ABCB11: variants seen among roughly 807,000 people sequenced by gnomAD.
ABCB11 encodes ATP binding cassette subfamily B member 11.
Under a neutral mutation model 148.0 loss-of-function variants are expected in ABCB11, and 95 were observed. The observed-to-expected ratio is 0.64, with a 90% confidence interval of 0.54 to 0.76. ABCB11 has a LOEUF of 0.76. ABCB11 is among the 30% of genes least tolerant of loss of function. The pLI is 0.00. For synonymous variants in ABCB11, 591 were observed against 555.4 expected (o/e 1.06, Z -0.90); for missense variants, 1,523 against 1,617.8 (o/e 0.94, Z 1.01).
In ABCB11 at chr2:168,969,398, T is replaced by A. The variant is rs1693468020; in HGVS notation, c.1963A>T (p.Thr655Ser). Residue 655 changes from threonine to serine, a missense_variant, in exon 16 of 28, where the codon ACT becomes TCT. Transcript: ENST00000650372. ...GCTTGATTTCCCTGGCTTTGCAAAG[T>A]CACTAGAGTGAAGTAAACACCTTTC... ...ERKGVYFTLV[T>S]LQSQGNQALN... is the part of the protein sequence containing the mutation. The A allele has an allele frequency of 6.2e-7, 1 of 1,612,612 alleles. No individual in the cohort carries two copies. The highest frequency in any genetic ancestry group is 2.2e-5 in the East Asian group (1 of 44,720).
rs1296417587 is a variant in ABCB11, at chr2:168,936,295, T to C, written c.2749A>G (p.Thr917Ala). The C allele has an allele frequency of 1.9e-6, 3 of 1,613,990 alleles. No individual in the cohort carries two copies. Among genetic ancestry groups the C allele is most frequent in the Non-Finnish European group, 2.5e-6 (3 of 1,179,884 alleles). ...AATCCTGTCAACATCCTGGTCTGTG[T>C]GGCTCCTGATAAAGCCAAGAAGGGG... ...FFPFLALSGA[T>A]QTRMLTGFAS... Residue 917 changes from threonine (T) to alanine (A), a missense_variant, in exon 22 of 28, where the codon ACA (threonine) becomes GCA (alanine). Transcript: ENST00000650372.
At chr2:168,960,924 T>C (rs1040893884) in intron 18 of ABCB11, among the ~76,000 whole-genome samples, 18 of 151,622 alleles carry the variant, frequency 1.2e-4, no homozygotes, top group African/African-American at 4.4e-4. Context: ...TTTATATGTG[T>C]TTCCTTGTAC....
rs1279918927 is a variant in ABCB11, at chr2:168,968,444, G to T, written c.2058C>A (p.Ser686Arg). 1.2e-6 allele frequency: 2 copies of T among 1,610,868 alleles called. No individual in the cohort carries two copies. The highest frequency in any genetic ancestry group is 1.7e-6 in the Non-Finnish European group (2 of 1,178,396). The change falls in exon 17 of 28, where the codon AGC becomes AGA. Residue 686 changes from serine (S) to arginine (R), a missense_variant. Coordinates refer to ENST00000650372, the MANE Select transcript of ABCB11 (RefSeq NM_003742.4). ...DMLARTFSRGSYQDSLRASIR... is the reference protein window; with the variant it reads ...DMLARTFSRGRYQDSLRASIR... ...GAGCTTACCTTAAACTATCCTGGTAGCTCCCTCTGCTAAAGGTCCTCGCAA... is the reference window on the plus strand; with the variant it reads ...GAGCTTACCTTAAACTATCCTGGTATCTCCCTCTGCTAAAGGTCCTCGCAA...
chr2:168,924,813 A>T lies in ABCB11; in HGVS notation c.3619-10T>A, dbSNP rs1559174582. The T allele has an allele frequency of 5.0e-6, 8 of 1,609,992 alleles. No individual in the cohort carries two copies. The highest frequency in any genetic ancestry group is 5.9e-6 in the Non-Finnish European group (7 of 1,177,532). Reference sequence around the variant, plus strand: ...CGTTAGTTTCATATTTCTGAAAAAAAGTATGATAAGTTTGAGAAATAGAAA... The same window carrying T: ...CGTTAGTTTCATATTTCTGAAAAAATGTATGATAAGTTTGAGAAATAGAAA... On this transcript the variant is annotated splice_polypyrimidine_tract_variant and intron_variant, in intron 26 of 27. Transcript: ENST00000650372.
Position 169,016,793 on chromosome 2 carries a change from T to C in ABCB11, c.83A>G (p.Asn28Ser). 6.3e-7 allele frequency: 1 copy of C among 1,594,088 alleles called. No homozygotes were observed. Among genetic ancestry groups the C allele is most frequent in the South Asian group, 1.1e-5 (1 of 87,176 alleles). Reference sequence around the variant, plus strand: ...AGTCACTTACCTTGATTTCTTATCATTATTATCTGTCAGAAAAAAAAATCA... The same window carrying C: ...AGTCACTTACCTTGATTTCTTATCACTATTATCTGTCAGAAAAAAAAATCA... ...DGFESDKSYN[N>S]DKKSRLQDEK... The change falls in exon 3 of 28, where the codon AAT becomes AGT. Residue 28 changes from asparagine to serine, a missense_variant. Coordinates refer to ENST00000650372, the MANE Select transcript of ABCB11 (RefSeq NM_003742.4).
chr2:169,008,170 G>C (rs903418528), intron 5 of ABCB11, among the ~76,000 whole-genome samples: 12 of 152,112 alleles, frequency 7.9e-5, no homozygotes, highest in African/African-American at 2.7e-4. Flanking sequence ...TATGACTGCT[G>C]TAACAATTAC....
chr2:168,940,623 C>T (rs572167286), intron 21 of ABCB11, among the ~76,000 whole-genome samples: 1 of 152,236 alleles, frequency 6.6e-6, no homozygotes, highest in South Asian at 2.1e-4. Flanking sequence ...TCCAGAAGAT[C>T]TAGCTAAGGT....
At chr2:168,991,026 A>G in intron 8 of ABCB11, 101 bp from the exon 9 acceptor site, 1 of 1,345,084 alleles carries the variant, frequency 7.4e-7, no homozygotes, top group Non-Finnish European at 1.0e-6. Context: ...GTTTAATACA[A>G]TATTAGATTC....
chr2:168,973,998 GT>G (rs1693709290), intron 12 of ABCB11, among the ~76,000 whole-genome samples, 158 bp from the exon 13 acceptor site: 2 of 152,060 alleles, frequency 1.3e-5, no homozygotes, highest in East Asian at 1.9e-4. Context: ...TCAAAAACCA[GT>G]AAAAGGAAAC....
At chr2:168,945,820 T>C (rs1692282862) in intron 19 of ABCB11, among the ~76,000 whole-genome samples, 1 of 151,870 alleles carries the variant, frequency 6.6e-6, no homozygotes, top group South Asian at 2.1e-4. Context: ...TTTTATAGAC[T>C]ATACAGCATT....
At chr2:168,969,599 TGA>T (rs1304870158) in intron 15 of ABCB11, 48 bp from the exon 16 acceptor site, 9 of 1,498,892 alleles carry the variant, frequency 6.0e-6, no homozygotes, top group African/African-American at 4.1e-5. Context: ...GAGACAGAGC[TGA>T]CACTGACCTT....
At chr2:168,989,948 A>G (rs1405262563) in intron 9 of ABCB11, among the ~76,000 whole-genome samples, 2 of 152,086 alleles carry the variant, frequency 1.3e-5, no homozygotes, top group African/African-American at 4.8e-5. Flanking sequence ...CTTACATCCT[A>G]GGGATAAATC....
In ABCB11 at chr2:168,962,349, C is replaced by T. The variant is rs891027713; in HGVS notation, c.2178+1857G>A. 2.6e-5 allele frequency among the ~76,000 whole-genome samples: 4 copies of T among 151,600 alleles called. No homozygotes were observed. In the East Asian group the frequency reaches 5.9e-4, roughly 22 times the overall value. ...CTGACTAGTAGAACATAATATGAAA[C>T]ATTTTAATCTCTGTAAAACTAGACC... On this transcript the variant is annotated intron_variant, in intron 18 of 27. Transcript: ENST00000650372.
downstream of ABCB11, among the ~76,000 whole-genome samples, chr2:168,918,172 G>A (rs745601585): frequency 5.9e-5 from 9 of 152,200 alleles, no homozygotes; most frequent in East Asian, 1.9e-4. Context: ...TATTCCTTAC[G>A]TGGGGGCTGA....
intron 16 of ABCB11, among the ~76,000 whole-genome samples, chr2:168,968,737 ATT>A (rs34849968): frequency 3.3e-5 from 5 of 151,036 alleles, no homozygotes; most frequent in South Asian, 2.1e-4. Context: ...AGAAACAGGT[ATT>A]TTTTTTTAGC....
At chr2:169,018,956 C>T (rs1695452110) in intron 1 of ABCB11, among the ~76,000 whole-genome samples, 1 of 152,118 alleles carries the variant, frequency 6.6e-6, no homozygotes, top group African/African-American at 2.4e-5. Context: ...ATTTTCCCCT[C>T]AGCGTCTGGA....
rs1233752044 is a variant in ABCB11 at position 169,023,412 on chromosome 2, A to G, written c.-27-5260T>C. On this transcript the variant is annotated intron_variant, in intron 1 of 27. Coordinates refer to ENST00000650372, the MANE Select transcript of ABCB11 (RefSeq NM_003742.4). ...AGTCACAAGCTCAAGAGCACAAGTT[A>G]GTAAGTGATACAGCCGAGATTGAAA... Among the ~76,000 whole-genome samples, 5 of 152,240 alleles carry G rather than the reference A, an allele frequency of 3.3e-5. No individual in the cohort carries two copies. In the East Asian group the frequency reaches 9.6e-4, roughly 29 times the overall value.
chr2:168,976,535 G>A (rs201424639), intron 12 of ABCB11, 42 bp downstream of exon 12: 204 of 1,192,450 alleles, frequency 1.7e-4, no homozygotes, highest in Non-Finnish European at 2.2e-4. Flanking sequence ...AATCATCGAA[G>A]AAGAAAACAT....
At chr2:168,990,080 T>A (rs1694461820) in intron 9 of ABCB11, among the ~76,000 whole-genome samples, 1 of 152,122 alleles carries the variant, frequency 6.6e-6, no homozygotes, top group South Asian at 2.1e-4. Context: ...TCTTGTAGTA[T>A]CCTTTTCTGG....
Sources: gnomAD v4.1 joint callset for allele counts (sites outside exome capture counted in the v4.1 genomes callset) on GRCh38, gnomAD v4.1.1 for gene constraint, MANE v1.5 for transcripts, NCBI Gene and HGNC (gene_info 2026-07-23, HGNC 2026-07-21) for gene names.